FARS2: variants seen among roughly 807,000 people sequenced by gnomAD.
FARS2 encodes phenylalanine--tRNA ligase, mitochondrial.
A neutral mutation model predicts 46.4 loss-of-function variants in FARS2; 40 were observed. The ratio of observed to expected loss-of-function variants is 0.86; its 90% CI spans 0.67 to 1.12. The LOEUF is 1.12. Ranked by LOEUF, FARS2 falls within the 50% of genes most tolerant of loss-of-function variation. The pLI is 0.00. For missense variants in FARS2, 513 were observed against 567.9 expected, an observed-to-expected ratio of 0.90 and a Z score of 0.98; for synonymous variants, 234 against 214.9, an observed-to-expected ratio of 1.09 and a Z score of -0.78.
intron 5 of FARS2, among the ~76,000 whole-genome samples, chr6:5,556,494 T>A (rs1225220508): frequency 2.6e-5 from 4 of 151,922 alleles, no homozygotes; most frequent in African/African-American, 9.7e-5. Context: ...CCTTATGATG[T>A]TAGGACATTT....
chr6:5,620,877 C>T (rs1488958242), intron 6 of FARS2, among the ~76,000 whole-genome samples: 5 of 152,236 alleles, frequency 3.3e-5, no homozygotes, highest in South Asian at 2.1e-4. Flanking sequence ...GACAGGCCTC[C>T]GGCCTTCTCC....
At chr6:5,458,643 G>A (rs1765052351) in intron 4 of FARS2, among the ~76,000 whole-genome samples, 1 of 152,112 alleles carries the variant, frequency 6.6e-6, no homozygotes, top group Non-Finnish European at 1.5e-5. Context: ...GCACTTCCAA[G>A]CAGAAGCCTG....
chr6:5,292,332 G>A (rs1767562179), intron 1 of FARS2, among the ~76,000 whole-genome samples: 1 of 152,228 alleles, frequency 6.6e-6, no homozygotes, highest in Non-Finnish European at 1.5e-5. Flanking sequence ...AGCCTGGAGA[G>A]CAGGCCAGAG....
At chr6:5,573,196 G>A (rs1358469342) in intron 5 of FARS2, among the ~76,000 whole-genome samples, 1 of 152,116 alleles carries the variant, frequency 6.6e-6, no homozygotes, top group Non-Finnish European at 1.5e-5. Context: ...CTCAGCCATT[G>A]AGTTCATGAC....
chr6:5,756,695 A>G (rs1330491927), intron 6 of FARS2, among the ~76,000 whole-genome samples: 5 of 152,216 alleles, frequency 3.3e-5, no homozygotes, highest in African/African-American at 9.6e-5. Flanking sequence ...AAAAAATCAT[A>G]TTAACATTAT....
chr6:5,295,648 A>C (rs973662287), intron 1 of FARS2, among the ~76,000 whole-genome samples: 14 of 152,200 alleles, frequency 9.2e-5, no homozygotes, highest in Non-Finnish European at 1.9e-4. Context: ...TTTTGAGCCA[A>C]AATTATTAAC....
chr6:5,265,061 A>G (rs1446504029), intron 1 of FARS2, among the ~76,000 whole-genome samples: 1 of 151,924 alleles, frequency 6.6e-6, no homozygotes. Context: ...GGCTTCCCAA[A>G]GAGCTCAGAT....
intron 1 of FARS2, among the ~76,000 whole-genome samples, chr6:5,349,358 T>C (rs1459124908): frequency 6.6e-6 from 1 of 152,234 alleles, no homozygotes; most frequent in Non-Finnish European, 1.5e-5. Flanking sequence ...CACGTTGTGC[T>C]CACAGGTTGG....
intron 1 of FARS2, among the ~76,000 whole-genome samples, chr6:5,263,704 A>G (rs1161876488): frequency 6.6e-6 from 1 of 152,236 alleles, no homozygotes; most frequent in Non-Finnish European, 1.5e-5. Flanking sequence ...GTATTCATTT[A>G]TCAAAAGTTA....
At chr6:5,305,177 T>C (rs956473569) in intron 1 of FARS2, among the ~76,000 whole-genome samples, 1 of 152,364 alleles carries the variant, frequency 6.6e-6, no homozygotes, top group African/African-American at 2.4e-5. Flanking sequence ...CAATTTGTTC[T>C]AGATCTTTGT....
intron 4 of FARS2, among the ~76,000 whole-genome samples, chr6:5,503,234 T>TA (rs1196285022): frequency 6.6e-6 from 1 of 151,294 alleles, no homozygotes; most frequent in Admixed American, 6.6e-5. Flanking sequence ...AAGATTTTAT[T>TA]AAAAATGGGA....
At chr6:5,696,910 T>TTG (rs2150876175) in intron 6 of FARS2, among the ~76,000 whole-genome samples, 1 of 152,290 alleles carries the variant, frequency 6.6e-6, no homozygotes, top group East Asian at 1.9e-4. Context: ...GGAGAACAGA[T>TTG]ATCAGTGACT....
chr6:5,382,369 G>A (rs1368281212), intron 2 of FARS2, among the ~76,000 whole-genome samples: 2 of 152,214 alleles, frequency 1.3e-5, no homozygotes, highest in Non-Finnish European at 2.9e-5. Context: ...CTCAGTGATA[G>A]CAATGAGGTG....
chr6:5,351,476 A>G (rs767559358), intron 1 of FARS2, among the ~76,000 whole-genome samples: 2 of 152,196 alleles, frequency 1.3e-5, no homozygotes, highest in Non-Finnish European at 1.5e-5. Flanking sequence ...TATTTGTGAT[A>G]TATTTCTTGT....
intron 4 of FARS2, among the ~76,000 whole-genome samples, chr6:5,532,795 G>T (rs960817570): frequency 4.1e-4 from 63 of 151,956 alleles, no homozygotes; most frequent in Middle Eastern, 3.4e-3. Flanking sequence ...AGAAGAAGAA[G>T]AAGAAGAAGA....
At chr6:5,265,972 C>T (rs928843407) in intron 1 of FARS2, among the ~76,000 whole-genome samples, 2 of 152,080 alleles carry the variant, frequency 1.3e-5, no homozygotes, top group Non-Finnish European at 2.9e-5. Flanking sequence ...AGAGCCAGGG[C>T]TGAGAAACAT....
intron 4 of FARS2, among the ~76,000 whole-genome samples, chr6:5,535,347 C>T (rs1442441539): frequency 6.6e-6 from 1 of 152,154 alleles, no homozygotes; most frequent in East Asian, 1.9e-4. Context: ...TTTTATGTGT[C>T]GATTTTGTAT....
intron 6 of FARS2, among the ~76,000 whole-genome samples, chr6:5,637,002 G>T (rs898889683): frequency 3.9e-5 from 6 of 152,344 alleles, no homozygotes; most frequent in East Asian, 1.9e-4. Context: ...AGAACATTCC[G>T]AGAAGAAGCA....
chr6:5,525,738 C>G (rs1469307849), intron 4 of FARS2, among the ~76,000 whole-genome samples: 1 of 152,258 alleles, frequency 6.6e-6, no homozygotes, highest in African/African-American at 2.4e-5. Context: ...AGATGTTTAA[C>G]TTTCTCTCAG....
Sources: allele counts gnomAD v4.1 joint callset (sites outside exome capture counted in the v4.1 genomes callset), GRCh38; gene constraint gnomAD v4.1.1; transcripts MANE v1.5; gene names NCBI Gene and HGNC (gene_info 2026-07-23, HGNC 2026-07-21).